CHODL: variants seen among roughly 807,000 people sequenced by gnomAD.
CHODL encodes the protein chondrolectin, also known as transmembrane protein MT75.
In CHODL, 29 loss-of-function variants were observed where a neutral mutation model predicts 34.5. That is an observed-to-expected ratio of 0.84 (90% CI 0.63 to 1.15). The LOEUF (loss-of-function observed/expected upper bound fraction) is 1.15. CHODL is among the 50% of genes most tolerant of loss of function. The pLI, the probability that CHODL is intolerant of heterozygous loss-of-function variation, is 0.00. For missense variants in CHODL, 332 were observed against 332.5 expected (o/e 1.00, Z 0.01); for synonymous variants, 125 against 116.1 (o/e 1.08, Z -0.49).
chr21:18,158,136 C>T (rs2073055932), intron 2 of CHODL, among the ~76,000 whole-genome samples: 1 of 149,060 alleles, frequency 6.7e-6, no homozygotes, highest in Non-Finnish European at 1.5e-5. Flanking sequence ...TAGAAGCAAG[C>T]TGTTTTGAGT....
At chr21:18,015,578 A>G (rs2064064925) in intron 1 of CHODL, among the ~76,000 whole-genome samples, 1 of 152,146 alleles carries the variant, frequency 6.6e-6, no homozygotes, top group African/African-American at 2.4e-5. Context: ...GAATTGGATA[A>G]TGGGCAGAGG....
At chr21:18,097,921 G>T (rs1000869694) in intron 2 of CHODL, among the ~76,000 whole-genome samples, 1 of 151,974 alleles carries the variant, frequency 6.6e-6, no homozygotes, top group African/African-American at 2.4e-5. Flanking sequence ...TCACACACCT[G>T]CAGTAAATTA....
rs543440542 is a variant in CHODL, at chr21:18,061,189, G to A, written c.-45+33218G>A. 7.9e-5 allele frequency among the ~76,000 whole-genome samples: 12 copies of A among 152,266 alleles called. No homozygotes were observed. The South Asian group carries it at 2.3e-3, about 29-fold the overall frequency. ...AGATACTAACACTATGCCAGAAAGCGAAAAGCAAATTCCTTTTCAGCAGCA... is the reference window on the plus strand; with the variant it reads ...AGATACTAACACTATGCCAGAAAGCAAAAAGCAAATTCCTTTTCAGCAGCA... On this transcript the variant is annotated intron_variant, in intron 2 of 6. Coordinates refer to the CHODL transcript ENST00000400127.
At chr21:18,096,096 G>C (rs2065136575) in intron 2 of CHODL, among the ~76,000 whole-genome samples, 1 of 152,120 alleles carries the variant, frequency 6.6e-6, no homozygotes, top group Admixed American at 6.5e-5. Context: ...TCTTACGACT[G>C]TCTTTACTGC....
intron 1 of CHODL, among the ~76,000 whole-genome samples, chr21:17,978,631 T>C (rs915961645): frequency 3.3e-5 from 5 of 149,858 alleles, no homozygotes; most frequent in African/African-American, 1.2e-4. Context: ...GGCAGGAGAA[T>C]GGCGTGAACC....
chr21:18,066,940 T>G (rs1163779231), intron 2 of CHODL, among the ~76,000 whole-genome samples: 1 of 152,140 alleles, frequency 6.6e-6, no homozygotes, highest in Non-Finnish European at 1.5e-5. Context: ...CCAGACCTGA[T>G]GACACCTTGA....
At position 18,028,907 on chromosome 21, in the gene CHODL, T is replaced by G. The variant is rs1429111034; in HGVS notation, c.-45+936T>G. 3.3e-5 allele frequency among the ~76,000 whole-genome samples: 5 copies of G among 152,076 alleles called. No homozygotes were observed. In the South Asian group the frequency reaches 1.0e-3, roughly 32 times the overall value. ...AGGTAAATAATAGCTGGCATACCTA[T>G]TTTCAATGATAAAAATGAAAGTAGA... On this transcript the variant is annotated intron_variant, in intron 2 of 6. Coordinates refer to the CHODL transcript ENST00000400127.
intron 2 of CHODL, among the ~76,000 whole-genome samples, chr21:18,133,436 A>G (rs2072682065): frequency 6.6e-6 from 1 of 152,184 alleles, no homozygotes; most frequent in Non-Finnish European, 1.5e-5. Flanking sequence ...TAACATGAAA[A>G]ATTGTGAAAT....
chr21:18,009,204 A>T (rs1438629489), intron 1 of CHODL, among the ~76,000 whole-genome samples: 1 of 152,176 alleles, frequency 6.6e-6, no homozygotes, highest in African/African-American at 2.4e-5. Flanking sequence ...TTCAGTAGTC[A>T]TTTTTATTCA....
chr21:18,108,422 T>A (rs2065302274), intron 2 of CHODL, among the ~76,000 whole-genome samples: 1 of 152,204 alleles, frequency 6.6e-6, no homozygotes. Flanking sequence ...AATGTTTCCA[T>A]CAGGGAATAC....
rs117994967 is a variant in CHODL at position 17,960,456 on chromosome 21, G to A, written c.-145+43056G>A. Among the ~76,000 whole-genome samples, 1,354 of 152,194 alleles carry A rather than the reference G, an allele frequency of 8.9e-3. 43 individuals are homozygous for A. The highest frequency in any genetic ancestry group is 0.027 in the East Asian group (140 of 5,178). Reference sequence around the variant, plus strand: ...GCACCCTGGCCAAATTCAATAACATGTCCCTAATTTTCAGATCCGAGGAAG... The same window carrying A: ...GCACCCTGGCCAAATTCAATAACATATCCCTAATTTTCAGATCCGAGGAAG... On this transcript the variant is annotated intron_variant, in intron 1 of 6. Coordinates refer to the CHODL transcript ENST00000400127.
In CHODL at chr21:18,266,354, C is replaced by G; in HGVS notation, c.*316C>G. The G allele has an allele frequency of 1.8e-6, 1 of 566,838 alleles. No individual in the cohort carries two copies. The highest frequency in any genetic ancestry group is 2.9e-6 in the Non-Finnish European group (1 of 340,226). 35.1% of individuals were successfully genotyped at this position (566,838 alleles called of 1,614,324 possible). ...GGAGTATGTGTGTTAGAAGCAATTC[C>G]TTTTATTTCTTTCACCTTTCATAAG... is the stretch of plus-strand genomic sequence containing the variant. On this transcript the variant is annotated 3_prime_UTR_variant, in exon 6 of 6. Transcript: ENST00000299295.
chr21:18,090,125 A>G (rs1305696122), intron 2 of CHODL, among the ~76,000 whole-genome samples: 1 of 152,252 alleles, frequency 6.6e-6, no homozygotes, highest in African/African-American at 2.4e-5. Context: ...GTATGCTTAG[A>G]CATGTAACAG....
At chr21:18,101,945 A>T (rs557278019) in intron 2 of CHODL, among the ~76,000 whole-genome samples, 1 of 152,268 alleles carries the variant, frequency 6.6e-6, no homozygotes, top group South Asian at 2.1e-4. Context: ...AAGGATAAAA[A>T]ATAAGAAAAA....
At chr21:17,974,993 A>G (rs1400841246) in intron 1 of CHODL, among the ~76,000 whole-genome samples, 1 of 150,532 alleles carries the variant, frequency 6.6e-6, no homozygotes, top group African/African-American at 2.4e-5. Context: ...TGTAAAACCT[A>G]TTGTATTGTT....
chr21:18,172,559 C>T (rs918560944), intron 2 of CHODL, among the ~76,000 whole-genome samples: 19 of 141,896 alleles, frequency 1.3e-4, no homozygotes, highest in African/African-American at 4.9e-4. Flanking sequence ...CTTTCCTTAC[C>T]CAGATTCAGC....
chr21:18,205,170 T>C (rs1465957014), intron 2 of CHODL, among the ~76,000 whole-genome samples: 1 of 152,210 alleles, frequency 6.6e-6, no homozygotes, highest in Non-Finnish European at 1.5e-5. Flanking sequence ...GTTCCAGATA[T>C]TGGGGAAAAG....
chr21:17,990,504 G>T (rs1315553749), intron 1 of CHODL, among the ~76,000 whole-genome samples: 1 of 152,050 alleles, frequency 6.6e-6, no homozygotes, highest in Non-Finnish European at 1.5e-5. Context: ...TGGTTACATT[G>T]TTATACTATA....
intron 2 of CHODL, among the ~76,000 whole-genome samples, chr21:18,103,600 T>C (rs1688167): frequency 0.48 from 72,732 of 151,584 alleles, 18,315 homozygotes; most frequent in African/African-American, 0.57. Context: ...ATTCAGGCGA[T>C]GGATGGGCTG....
Sources: allele counts gnomAD v4.1 joint callset (sites outside exome capture counted in the v4.1 genomes callset), GRCh38; gene constraint gnomAD v4.1.1; transcripts MANE v1.5; gene names NCBI Gene and HGNC (gene_info 2026-07-23, HGNC 2026-07-21).